Variants in ANKRD39 observed in about 807,000 individuals in gnomAD.
ANKRD39 encodes ankyrin repeat domain 39, also known as ankyrin repeat domain-containing protein 39.
A neutral mutation model predicts 20.3 loss-of-function variants in ANKRD39; 18 were observed. That is an observed-to-expected ratio of 0.89 (90% CI 0.61 to 1.32). ANKRD39 has a LOEUF of 1.32. ANKRD39 is among the 40% of genes most tolerant of loss of function. The pLI is 0.00. For synonymous variants in ANKRD39, 106 were observed against 111.9 expected (o/e 0.95, Z 0.33); for missense variants, 243 against 250.7 (o/e 0.97, Z 0.21).
intron 2 of ANKRD39, among the ~76,000 whole-genome samples, chr2:96,853,933 C>T (rs1456170508): frequency 6.6e-6 from 1 of 152,166 alleles, no homozygotes; most frequent in African/African-American, 2.4e-5. Flanking sequence ...TCGAGACCAG[C>T]CTGGTCAACA....
rs763643371 is a variant in ANKRD39, at chr2:96,853,563, G to T, written c.246C>A (p.Phe82Leu). The T allele has an allele frequency of 4.3e-6, 7 of 1,612,684 alleles. No homozygotes were observed. The highest frequency in any genetic ancestry group is 5.9e-6 in the Non-Finnish European group (7 of 1,180,010). The change falls in exon 3 of 4, where the codon TTC (phenylalanine) becomes TTA (leucine). Residue 82 changes from phenylalanine (F) to leucine (L), a missense_variant. By Grantham distance (22) the Phe-to-Leu change is conservative. Coordinates refer to ENST00000393537, the MANE Select transcript of ANKRD39 (RefSeq NM_016466.6). ...SRNGHYAVCQ[F>L]LLESGAKCDA... ...CACACTTAGCTCCGCTTTCCAGCAG[G>T]AACTGGCACACAGCGTAGTGCCCAT...
chr2:96,853,704 A>AATC, intron 2 of ANKRD39, 100 bp from the exon 3 acceptor site: 1 of 1,220,112 alleles, frequency 8.2e-7, no homozygotes, highest in Non-Finnish European at 1.2e-6. Context: ...AGGGGCCTGG[A>AATC]ATCATCTCAG....
At chr2:96,857,739 A>G in intron 1 of ANKRD39, 149 bp downstream of exon 1, 1 of 813,904 alleles carries the variant, frequency 1.2e-6, no homozygotes, top group Non-Finnish European at 1.9e-6. Flanking sequence ...GTACACGGGA[A>G]CCGTGGGTCC....
At chr2:96,853,326 C>T (rs1022557768) in intron 3 of ANKRD39, 75 bp downstream of exon 3, 2 of 1,476,920 alleles carry the variant, frequency 1.4e-6, no homozygotes, top group Non-Finnish European at 1.8e-6. Flanking sequence ...CCTGTTTTCC[C>T]CATGTTTTCT....
chr2:96,850,571 A>G (rs1252724286), intron 3 of ANKRD39, among the ~76,000 whole-genome samples: 2 of 152,038 alleles, frequency 1.3e-5, no homozygotes, highest in African/African-American at 4.8e-5. Context: ...AGGCTGAGGC[A>G]GGAGAATCGT....
rs1340006167 is a variant in ANKRD39 at position 96,848,150 on chromosome 2, T to C, written c.*151A>G. 1.9e-6 allele frequency: 2 copies of C among 1,025,862 alleles called. No homozygotes were observed. The highest frequency in any genetic ancestry group is 2.8e-6 in the Non-Finnish European group (2 of 720,610). 63.5% of individuals were successfully genotyped at this position (1,025,862 alleles called of 1,614,324 possible). A position where few individuals can be genotyped will look rare whatever the true frequency, so the allele number is the denominator to read the frequency against. On this transcript the variant is annotated 3_prime_UTR_variant, in exon 4 of 4. Transcript: ENST00000393537. ...TAAACACTTTTAGCCACACCAAATC[T>C]ACTCCCTCGCTTCCACAGTGACCAG...
intron 1 of ANKRD39, among the ~76,000 whole-genome samples, chr2:96,855,809 C>G (rs1038879632): frequency 5.3e-5 from 8 of 151,788 alleles, no homozygotes; most frequent in Admixed American, 4.6e-4. Context: ...AACCTCATCT[C>G]TACTAAAAAT....
chr2:96,851,034 C>A (rs928011516), intron 3 of ANKRD39, among the ~76,000 whole-genome samples: 1 of 152,194 alleles, frequency 6.6e-6, no homozygotes, highest in East Asian at 1.9e-4. Context: ...ATCTGTGTCA[C>A]CCAGGCTGGA....
intron 1 of ANKRD39, among the ~76,000 whole-genome samples, chr2:96,857,551 C>T (rs1478479947): frequency 6.6e-6 from 1 of 152,268 alleles, no homozygotes; most frequent in Non-Finnish European, 1.5e-5. Context: ...TGCAATGCCC[C>T]TGGTGCAGAT....
intron 3 of ANKRD39, among the ~76,000 whole-genome samples, chr2:96,852,407 A>AAAAAG (rs2079842410): frequency 6.8e-6 from 1 of 146,152 alleles, no homozygotes; most frequent in Non-Finnish European, 1.5e-5. Flanking sequence ...AAAAAAAAAA[A>AAAAAG]GAGAAGAAAA....
At chr2:96,855,460 CACG>C (rs1406347669) in intron 1 of ANKRD39, among the ~76,000 whole-genome samples, 1 of 152,238 alleles carries the variant, frequency 6.6e-6, no homozygotes, top group African/African-American at 2.4e-5. Context: ...CGCAGTGGCT[CACG>C]CCTGTAATCC....
chr2:96,850,949 G>A (rs373339062), intron 3 of ANKRD39, among the ~76,000 whole-genome samples: 3 of 137,942 alleles, frequency 2.2e-5, no homozygotes, highest in Non-Finnish European at 4.4e-5. Context: ...CACTCAGCAC[G>A]TATTCACTGG....
intron 1 of ANKRD39, 42 bp downstream of exon 1, chr2:96,857,846 C>T: frequency 6.5e-7 from 1 of 1,531,466 alleles, no homozygotes. Flanking sequence ...CTCCTTGGGC[C>T]GGGGCCTGGT....
intron 1 of ANKRD39, among the ~76,000 whole-genome samples, chr2:96,854,841 C>G (rs1196865309): frequency 3.3e-5 from 5 of 152,162 alleles, no homozygotes; most frequent in South Asian, 2.1e-4. Flanking sequence ...TCAGGCTGGC[C>G]TTGAACTCCT....
Position 96,848,053 on chromosome 2 carries a change from T to C in ANKRD39, c.*248A>G, listed in dbSNP as rs915429066. On this transcript the variant is annotated 3_prime_UTR_variant, in exon 4 of 4. Transcript: ENST00000393537. ...TTGGGTGTGGGATGAGGTAAGGATA[T>C]AACTTTATTTTTTTCCAAATAAATA... The C allele has an allele frequency of 2.4e-6, 1 of 420,694 alleles. No homozygotes were observed. The highest frequency in any genetic ancestry group is 1.9e-5 in the African/African-American group (1 of 51,468). 26.1% of individuals were successfully genotyped at this position (420,694 alleles called of 1,614,324 possible).
intron 3 of ANKRD39, among the ~76,000 whole-genome samples, chr2:96,849,808 G>A (rs996096589): frequency 1.3e-5 from 2 of 152,164 alleles, no homozygotes; most frequent in Non-Finnish European, 2.9e-5. Flanking sequence ...TTTTAGATTG[G>A]CAGGGAAAGA....
chr2:96,857,309 C>T (rs1222838806), intron 1 of ANKRD39, among the ~76,000 whole-genome samples: 1 of 152,226 alleles, frequency 6.6e-6, no homozygotes, highest in African/African-American at 2.4e-5. Flanking sequence ...CCTGGTTTCC[C>T]GCCTTCCTCT....
chr2:96,853,756 G>A (rs1252168241), intron 2 of ANKRD39, 152 bp from the exon 3 acceptor site: 10 of 667,350 alleles, frequency 1.5e-5, no homozygotes, highest in South Asian at 1.9e-5. Context: ...AAGCTTCTGC[G>A]TGACTAACCT....
intron 3 of ANKRD39, among the ~76,000 whole-genome samples, chr2:96,849,187 C>A (rs1441196398): frequency 6.6e-6 from 1 of 152,146 alleles, no homozygotes; most frequent in African/African-American, 2.4e-5. Context: ...GGGTCTCACT[C>A]TGTTGCCCAG....
Sources: gnomAD v4.1 joint callset for allele counts (sites outside exome capture counted in the v4.1 genomes callset) on GRCh38, gnomAD v4.1.1 for gene constraint, MANE v1.5 for transcripts, NCBI Gene and HGNC (gene_info 2026-07-23, HGNC 2026-07-21) for gene names.